DMD: variants seen among roughly 807,000 people sequenced by gnomAD.
DMD encodes the protein mutant dystrophin.
In DMD, 63 loss-of-function variants were observed where a neutral mutation model predicts 330.1. The observed-to-expected ratio is 0.19, with a 90% CI of 0.16 to 0.24. The LOEUF (loss-of-function observed/expected upper bound fraction) is 0.24. Ranked by LOEUF, DMD falls within the 10% of genes least tolerant of loss-of-function variation. The pLI is 1.00. For synonymous variants in DMD, 1,223 were observed against 959.8 expected (o/e 1.27, Z -5.07); for missense variants, 3,344 against 2,684.1 (o/e 1.25, Z -5.43).
In DMD at chrX:32,697,982, G is replaced by A. The variant is rs754197682; in HGVS notation, c.848C>T (p.Ala283Val). The stretch of plus-strand genomic sequence containing the variant: ...GGAAGAAGTTCTCTCATATCCCTGT[G>A]CTAGACTGACCGTGATCTGCAGAGA... Reference protein sequence around the residue: ...HYSQQITVSLAQGYERTSSPK... With the variant: ...HYSQQITVSLVQGYERTSSPK... Residue 283 changes from alanine (A) to valine (V), a missense_variant, in exon 9 of 79, where the codon GCA becomes GTA. By Grantham distance (64) the Ala-to-Val change is moderately conservative. Coordinates refer to ENST00000357033, the MANE Select transcript of DMD (RefSeq NM_004006.3). 2 of 1,198,379 alleles carry A rather than the reference G, an allele frequency of 1.7e-6. No homozygotes were observed. The highest frequency in any genetic ancestry group is 4.5e-5 in the Admixed American group (2 of 44,037).
chrX:31,911,825 C>G (rs1381772926), intron 47 of DMD, among the ~76,000 whole-genome samples: 1 of 111,216 alleles, frequency 9.0e-6, no homozygotes, highest in African/African-American at 3.3e-5. Flanking sequence ...TACAACTACA[C>G]GAGAAGTTGC....
At chrX:32,184,348 A>T (rs2147499806) in intron 44 of DMD, among the ~76,000 whole-genome samples, 1 of 111,142 alleles carries the variant, frequency 9.0e-6, no homozygotes, top group African/African-American at 3.2e-5. Context: ...GTATTTAACA[A>T]TTTATACACC....
intron 12 of DMD, among the ~76,000 whole-genome samples, chrX:32,608,641 A>G (rs2056927600): frequency 9.0e-6 from 1 of 110,614 alleles, no homozygotes; most frequent in Non-Finnish European, 1.9e-5. Flanking sequence ...CCCTTGTCAG[A>G]AAGTTAGCCA....
intron 41 of DMD, 79 bp downstream of exon 41, chrX:32,342,021 C>T (rs1277276493): frequency 7.1e-6 from 7 of 985,844 alleles, no homozygotes; most frequent in Non-Finnish European, 9.7e-6. Flanking sequence ...TTTTTTGTCT[C>T]TTTTTTTTTT....
At chrX:31,348,673 A>G (rs1232446528) in intron 60 of DMD, 39 bp from the exon 61 acceptor site, 1 of 1,088,658 alleles carries the variant, frequency 9.2e-7, no homozygotes, top group South Asian at 1.9e-5. Context: ...CTCTCATTCT[A>G]TATAATGAGG....
chrX:31,198,023 T>TAAAAAAA (rs61065027), intron 67 of DMD, among the ~76,000 whole-genome samples: 1 of 64,891 alleles, frequency 1.5e-5, no homozygotes, highest in African/African-American at 5.8e-5. Context: ...GTGTGGGAGC[T>TAAAAAAA]AAAAAAAAAA....
At chrX:31,281,252 T>C (rs2052588388) in intron 62 of DMD, among the ~76,000 whole-genome samples, 1 of 111,909 alleles carries the variant, frequency 8.9e-6, no homozygotes, top group Non-Finnish European at 1.9e-5. Flanking sequence ...AAATTCAGCC[T>C]ATTAGCCAGC....
intron 2 of DMD, among the ~76,000 whole-genome samples, chrX:33,017,413 G>A (rs1376923942): frequency 9.0e-6 from 1 of 111,212 alleles, no homozygotes; most frequent in Non-Finnish European, 1.9e-5. Context: ...AAATGAATAT[G>A]AGTTAGATTT....
chrX:32,883,324 T>C (rs1387102909), intron 2 of DMD, among the ~76,000 whole-genome samples: 1 of 111,950 alleles, frequency 8.9e-6, no homozygotes, highest in Non-Finnish European at 1.9e-5. Context: ...TATAATACAA[T>C]GAAATCTGAG....
intron 48 of DMD, among the ~76,000 whole-genome samples, chrX:31,864,760 G>C (rs1302829548): frequency 3.6e-5 from 4 of 111,396 alleles, no homozygotes; most frequent in Non-Finnish European, 5.7e-5. Context: ...CAAAGTCCTA[G>C]GGTTACAGAC....
At chrX:31,516,921 C>T (rs182142421) in intron 55 of DMD, among the ~76,000 whole-genome samples, 2 of 111,282 alleles carry the variant, frequency 1.8e-5, no homozygotes, top group Middle Eastern at 4.6e-3. Context: ...ACTGTCAAAC[C>T]GCCTTAAGCA....
chrX:32,812,500 G>T (rs922220056), intron 6 of DMD, among the ~76,000 whole-genome samples: 1 of 111,374 alleles, frequency 9.0e-6, no homozygotes, highest in Non-Finnish European at 1.9e-5. Flanking sequence ...GGGCATGGTG[G>T]CTCGTGCCTA....
chrX:32,770,603 ATACATTAG>A (rs2073500553), intron 7 of DMD, among the ~76,000 whole-genome samples: 1 of 111,728 alleles, frequency 9.0e-6, no homozygotes, highest in Admixed American at 9.6e-5. Context: ...ATAAAATTAT[ATACATTAG>A]TACAATACCA....
At chrX:32,700,495 C>A (rs1377193654) in intron 7 of DMD, among the ~76,000 whole-genome samples, 1 of 110,863 alleles carries the variant, frequency 9.0e-6, no homozygotes, top group Non-Finnish European at 1.9e-5. Flanking sequence ...TATTGTACAA[C>A]CTAGTTTATA....
chrX:31,350,620 TGTGTGTGTGTGTGAGAGAGA>T (rs756494798), intron 60 of DMD, among the ~76,000 whole-genome samples: 8 of 48,129 alleles, frequency 1.7e-4, no homozygotes, highest in Non-Finnish European at 3.4e-4. Flanking sequence ...TGTGTGTGTG[TGTGTGTGTGTGTGAGAGAGA>T]GAGAGAGAGA....
rs1159052632 is a variant in DMD at position 32,438,333 on chromosome X, C to T, written c.3979G>A (p.Ala1327Thr). The T allele has an allele frequency of 8.3e-7, 1 of 1,211,162 alleles. No individual in the cohort carries two copies. Among genetic ancestry groups the T allele is most frequent in the African/African-American group, 1.7e-5 (1 of 57,736 alleles). ...ACTCCGCCATCTGTTAGGGTCTGTG[C>T]CAATATGCGAATCTGATTTGGGTTA... ...EDNPNQIRILAQTLTDGGVMD... is the reference protein window; with the variant it reads ...EDNPNQIRILTQTLTDGGVMD... Residue 1327 changes from alanine to threonine, a missense_variant, in exon 29 of 79, where the codon GCA (alanine) becomes ACA (threonine). Coordinates refer to ENST00000357033, the MANE Select transcript of DMD (RefSeq NM_004006.3).
At chrX:31,686,930 G>A (rs764259902) in intron 52 of DMD, among the ~76,000 whole-genome samples, 8 of 111,878 alleles carry the variant, frequency 7.2e-5, no homozygotes, top group African/African-American at 2.6e-4. Context: ...TTAAGGAGAA[G>A]AGAGCGAAAA....
At chrX:32,878,165 G>C (rs1316447782) in intron 2 of DMD, among the ~76,000 whole-genome samples, 1 of 111,728 alleles carries the variant, frequency 9.0e-6, no homozygotes, top group Admixed American at 9.5e-5. Context: ...CACGAGGTCA[G>C]GAGATCAAGA....
chrX:32,740,101 C>T (rs1456962953), intron 7 of DMD, among the ~76,000 whole-genome samples: 1 of 108,026 alleles, frequency 9.3e-6, no homozygotes, highest in Non-Finnish European at 1.9e-5. Context: ...GCGCCATTTC[C>T]AAGCAGAAGC....
Sources: gnomAD v4.1 joint callset for allele counts (sites outside exome capture counted in the v4.1 genomes callset) on GRCh38, gnomAD v4.1.1 for gene constraint, MANE v1.5 for transcripts, NCBI Gene and HGNC (gene_info 2026-07-23, HGNC 2026-07-21) for gene names.